The following SAMD10 variants were observed in gnomAD, a reference collection of about 807,000 sequenced individuals.
The protein encoded by SAMD10 is sterile alpha motif domain-containing protein 10.
In SAMD10, 16 loss-of-function variants were observed where a neutral mutation model predicts 22.5. That is an observed-to-expected ratio of 0.71 (90% CI 0.48 to 1.08). The LOEUF is 1.08. Among genes scored for constraint, SAMD10 ranks in the 50% least tolerant of loss-of-function variants. The pLI is 0.00. For missense variants in SAMD10, 227 were observed against 281.3 expected (o/e 0.81, Z 1.38); for synonymous variants, 118 against 122.2 (o/e 0.97, Z 0.23).
chr20:63,975,230 C>G lies in SAMD10; in HGVS notation c.*280G>C. On this transcript the variant is annotated 3_prime_UTR_variant, in exon 5 of 5. Transcript: ENST00000369886. ...CGGTTCTGGCTCCAGGCAGCTGCCCCACATGCTGCCAGCTGCACCAGGGGA... is the reference window on the plus strand; with the variant it reads ...CGGTTCTGGCTCCAGGCAGCTGCCCGACATGCTGCCAGCTGCACCAGGGGA... The G allele has an allele frequency of 7.8e-6, 4 of 511,984 alleles. No individual in the cohort carries two copies. The South Asian group carries it at 1.0e-4, about 13-fold the overall frequency. 31.7% of individuals were successfully genotyped at this position (511,984 alleles called of 1,614,324 possible). A position where few individuals can be genotyped will look rare whatever the true frequency, so the allele number is the denominator to read the frequency against.
Position 63,979,616 on chromosome 20 carries a change from CGA to C in SAMD10, c.-151_-150del. Reference sequence around the variant, plus strand: ...CCCCGCGGCCCGCGAGTGTGCGCGACGAGGCACCTGCCGCCGAGCCCTGTGTG... The same window carrying C: ...CCCCGCGGCCCGCGAGTGTGCGCGACGGCACCTGCCGCCGAGCCCTGTGTG... On this transcript the variant is annotated 5_prime_UTR_variant, in exon 1 of 5. Coordinates refer to ENST00000369886, the MANE Select transcript of SAMD10 (RefSeq NM_080621.5). This position sits in a 1 kb window ranked among gnomAD's most constrained non-coding sequence, Gnocchi z 7.7. 1.0e-6 allele frequency: 1 copy of C among 984,852 alleles called. No homozygotes were observed. Among genetic ancestry groups the C allele is most frequent in the Non-Finnish European group, 1.2e-6 (1 of 830,044 alleles). The allele number at this position is 984,852 out of a possible 1,614,324, so 61.0% of individuals were successfully genotyped here.
In SAMD10 at chr20:63,974,619, G is replaced by A. The variant is rs556358208; in HGVS notation, c.*891C>T. ...GCTCAGGCCTCTGGGAGGGTGTAAG[G>A]GGAGTGGCCCTGGGAAGGCCTCTCC... On this transcript the variant is annotated 3_prime_UTR_variant, in exon 5 of 5. Coordinates refer to ENST00000369886, the MANE Select transcript of SAMD10 (RefSeq NM_080621.5). 6.6e-6 allele frequency: 1 copy of A among 152,580 alleles called. No individual in the cohort carries two copies. The highest frequency in any genetic ancestry group is 1.9e-4 in the East Asian group (1 of 5,192). The allele number at this position is 152,580 out of a possible 1,614,324, so 9.5% of individuals were successfully genotyped here.
In SAMD10 at chr20:63,979,083, G is replaced by A. The variant is rs2059044516; in HGVS notation, c.91+294C>T. Among the ~76,000 whole-genome samples, 1 of 152,152 alleles carries A rather than the reference G, an allele frequency of 6.6e-6. No homozygotes were observed. The highest frequency in any genetic ancestry group is 6.5e-5 in the Admixed American group (1 of 15,280). On this transcript the variant is annotated intron_variant, in intron 1 of 4. Transcript: ENST00000369886. This position sits in a 1 kb window ranked among gnomAD's most constrained non-coding sequence, Gnocchi z 7.7. ...CGGCCCCACTGCAAAAGCGGGGGAG[G>A]GTTTTCCCCGTGCGCAGGAAAAGGT...
In SAMD10 at chr20:63,975,332, G is replaced by C; in HGVS notation, c.*178C>G. On this transcript the variant is annotated 3_prime_UTR_variant, in exon 5 of 5. Coordinates refer to ENST00000369886, the MANE Select transcript of SAMD10 (RefSeq NM_080621.5). ...CCCACCCAGCCCCAGGGCACGACCT[G>C]GAATGTCCAACCAGAGGCGCCTGGA... 1.4e-6 allele frequency: 1 copy of C among 704,400 alleles called. No homozygotes were observed. The highest frequency in any genetic ancestry group is 1.7e-5 in the South Asian group (1 of 57,256). The allele number at this position is 704,400 out of a possible 1,614,324, so 43.6% of individuals were successfully genotyped here. A position where few individuals can be genotyped will look rare whatever the true frequency, so the allele number is the denominator to read the frequency against.
Position 63,977,112 on chromosome 20 carries a change from A to T in SAMD10, c.304T>A (p.Tyr102Asn). The T allele has an allele frequency of 6.2e-7, 1 of 1,614,030 alleles. No homozygotes were observed. Among genetic ancestry groups the T allele is most frequent in the Non-Finnish European group, 8.5e-7 (1 of 1,180,018 alleles). The stretch of plus-strand genomic sequence containing the variant: ...CCACCCAGCGAGGGGCTTGTATGGT[A>T]CAGGCCATAGTGGTCAGAGTACAGC... ...GRLYSDHYGL[Y>N]HTSPSLGGLT... The change falls in exon 3 of 5, where the codon TAC becomes AAC. Residue 102 changes from tyrosine (Y) to asparagine (N), a missense_variant. Tyr to Asn is a moderately radical substitution (Grantham distance 143). Coordinates refer to ENST00000369886, the MANE Select transcript of SAMD10 (RefSeq NM_080621.5). This position sits in a 1 kb window ranked among gnomAD's most constrained non-coding sequence, Gnocchi z 5.4.
In SAMD10 at chr20:63,975,259, C is replaced by T. The variant is rs1028198702; in HGVS notation, c.*251G>A. 1.1e-5 allele frequency: 6 copies of T among 534,318 alleles called. No individual in the cohort carries two copies. Among genetic ancestry groups the T allele is most frequent in the Middle Eastern group, 9.5e-4 (2 of 2,112 alleles). 33.1% of individuals were successfully genotyped at this position (534,318 alleles called of 1,614,324 possible). A position where few individuals can be genotyped will look rare whatever the true frequency, so the allele number is the denominator to read the frequency against. ...TGCTGCCAGCTGCACCAGGGGAGGG[C>T]TTGGGCTCAGGTCCCAGGAGGTGGG... On this transcript the variant is annotated 3_prime_UTR_variant, in exon 5 of 5. Transcript: ENST00000369886.
chr20:63,978,053 G>A (rs1432284822), intron 1 of SAMD10, among the ~76,000 whole-genome samples: 1 of 152,252 alleles, frequency 6.6e-6, no homozygotes, highest in Admixed American at 6.5e-5. Context: ...CCCCCACAGG[G>A]CCTGCAGCCC....
Position 63,975,550 on chromosome 20 carries a change from G to A in SAMD10, c.587-18C>T, listed in dbSNP as rs3810503. 188 of 1,605,472 alleles carry A rather than the reference G, an allele frequency of 1.2e-4. 2 individuals carry two copies. In the East Asian group the frequency reaches 4.1e-3, roughly 35 times the overall value. ...GAAGGAAGCTGTGTGATGGAAGAGG[G>A]TGAGAATGGGGTGGGGTCTTTGGCA... On this transcript the variant is annotated intron_variant, in intron 4 of 4. Coordinates refer to ENST00000369886, the MANE Select transcript of SAMD10 (RefSeq NM_080621.5).
intron 4 of SAMD10, 46 bp from the exon 5 acceptor site, chr20:63,975,578 A>G: frequency 6.3e-7 from 1 of 1,598,200 alleles, no homozygotes; most frequent in Non-Finnish European, 8.5e-7. Flanking sequence ...CTTTGGCATC[A>G]TCTGCATTAG....
Position 63,975,355 on chromosome 20 carries a change from G to A in SAMD10, c.*155C>T. On this transcript the variant is annotated 3_prime_UTR_variant, in exon 5 of 5. Coordinates refer to ENST00000369886, the MANE Select transcript of SAMD10 (RefSeq NM_080621.5). ...CTGGAATGTCCAACCAGAGGCGCCTGGAGGTGTGATCCTGGTCCTGTCTGT... is the reference window on the plus strand; with the variant it reads ...CTGGAATGTCCAACCAGAGGCGCCTAGAGGTGTGATCCTGGTCCTGTCTGT... The A allele has an allele frequency of 3.5e-6, 3 of 863,042 alleles. No individual in the cohort carries two copies. The highest frequency in any genetic ancestry group is 2.8e-5 in the East Asian group (1 of 36,208). The allele number at this position is 863,042 out of a possible 1,614,324, so 53.5% of individuals were successfully genotyped here. A position where few individuals can be genotyped will look rare whatever the true frequency, so the allele number is the denominator to read the frequency against.
intron 3 of SAMD10, 147 bp downstream of exon 3, chr20:63,976,824 C>T (rs2059026371): frequency 1.6e-5 from 9 of 548,078 alleles, no homozygotes; most frequent in Middle Eastern, 5.1e-4. Context: ...ACAGATTCTG[C>T]GGAGATGAAG....
In SAMD10 at chr20:63,979,489, C is replaced by G. The variant is rs1184500184; in HGVS notation, c.-22G>C. On this transcript the variant is annotated 5_prime_UTR_variant, in exon 1 of 5. Transcript: ENST00000369886. The surrounding 1 kb of genome is among the most constrained non-coding windows in gnomAD (Gnocchi z 7.7). ...ACATGGGGCCCGCGGGTGCCAGGCCCGCGCACACGCCCCTCGCCGAGTGCA... is the reference window on the plus strand; with the variant it reads ...ACATGGGGCCCGCGGGTGCCAGGCCGGCGCACACGCCCCTCGCCGAGTGCA... 3.0e-6 allele frequency: 4 copies of G among 1,314,994 alleles called. No homozygotes were observed. The highest frequency in any genetic ancestry group is 4.1e-5 in the Admixed American group (1 of 24,366). The allele number at this position is 1,314,994 out of a possible 1,614,324, so 81.5% of individuals were successfully genotyped here.
Position 63,975,517 on chromosome 20 carries a change from AT to A in SAMD10, c.601del (p.Met201CysfsTer6). On this transcript the variant is annotated frameshift_variant, in exon 5 of 5. Coordinates refer to ENST00000369886, the MANE Select transcript of SAMD10 (RefSeq NM_080621.5). LOFTEE classifies it high-confidence loss of function. ...TTCAAGCCTCAGCAGCAGCTAGGACATTTTCCCGAAGGAAGCTGTGTGATGG... is the reference window on the plus strand; with the variant it reads ...TTCAAGCCTCAGCAGCAGCTAGGACATTTCCCGAAGGAAGCTGTGTGATGG... ...QLLSQASFGK[M>X]S 3 of 1,608,024 alleles carry A rather than the reference AT, an allele frequency of 1.9e-6. No individual in the cohort carries two copies. Among genetic ancestry groups the A allele is most frequent in the South Asian group, 2.2e-5 (2 of 90,360 alleles).
At position 63,974,340 on chromosome 20, in the gene SAMD10, T is replaced by A. The variant is rs1309508791; in HGVS notation, c.*1170A>T. On this transcript the variant is annotated 3_prime_UTR_variant, in exon 5 of 5. Coordinates refer to ENST00000369886, the MANE Select transcript of SAMD10 (RefSeq NM_080621.5). ...GGCAGGGATGAGGGTCTCCCCGTGG[T>A]GGGGGCTTACAGGATGGGAGCGGCC... The A allele has an allele frequency of 6.6e-6, 1 of 152,476 alleles. No individual in the cohort carries two copies. Among genetic ancestry groups the A allele is most frequent in the Non-Finnish European group, 1.5e-5 (1 of 68,076 alleles). The allele number at this position is 152,476 out of a possible 1,614,324, so 9.4% of individuals were successfully genotyped here.
chr20:63,977,487 A>G lies in SAMD10; in HGVS notation c.92-81T>C. On this transcript the variant is annotated intron_variant, in intron 1 of 4. Transcript: ENST00000369886. This position sits in a 1 kb window ranked among gnomAD's most constrained non-coding sequence, Gnocchi z 5.4. ...TACTTGAGAGCTAGCTCCCTGCCCC[A>G]TCTCCTCCACACTAGTGCGGGAAAT... 7.1e-7 allele frequency: 1 copy of G among 1,413,198 alleles called. No homozygotes were observed. Among genetic ancestry groups the G allele is most frequent in the South Asian group, 1.3e-5 (1 of 79,056 alleles). The allele number at this position is 1,413,198 out of a possible 1,614,324, so 87.5% of individuals were successfully genotyped here.
Position 63,979,341 on chromosome 20 carries a change from C to A in SAMD10, c.91+36G>T. On this transcript the variant is annotated intron_variant, in intron 1 of 4. Coordinates refer to ENST00000369886, the MANE Select transcript of SAMD10 (RefSeq NM_080621.5). The surrounding 1 kb of genome is among the most constrained non-coding windows in gnomAD (Gnocchi z 7.7). ...CCTCTGGGTCCCTGAGACCCCCGCCCGAGAAATCCCCGCTCCCCAATCCAG... is the reference window on the plus strand; with the variant it reads ...CCTCTGGGTCCCTGAGACCCCCGCCAGAGAAATCCCCGCTCCCCAATCCAG... The A allele has an allele frequency of 7.0e-7, 1 of 1,434,980 alleles. No individual in the cohort carries two copies. Among genetic ancestry groups the A allele is most frequent in the Non-Finnish European group, 9.2e-7 (1 of 1,090,428 alleles). The allele number at this position is 1,434,980 out of a possible 1,614,324, so 88.9% of individuals were successfully genotyped here. A position where few individuals can be genotyped will look rare whatever the true frequency, so the allele number is the denominator to read the frequency against.
chr20:63,976,764 CAAAAAAAA>C (rs60461303), intron 3 of SAMD10, among the ~76,000 whole-genome samples, 199 bp downstream of exon 3: 6 of 63,900 alleles, frequency 9.4e-5, no homozygotes, highest in Admixed American at 2.5e-4. Flanking sequence ...TCTGTCTCAC[CAAAAAAAA>C]AAAAAAAAAA....
intron 1 of SAMD10, chr20:63,978,276 G>T: frequency 7.7e-7 from 1 of 1,299,636 alleles, no homozygotes; most frequent in Non-Finnish European, 1.0e-6. Context: ...TCTTGATCCA[G>T]GTCTGGTTAC....
In SAMD10 at chr20:63,977,095, C is replaced by G. The variant is rs772620769; in HGVS notation, c.321G>C (p.Ser107=). The G allele has an allele frequency of 6.2e-7, 1 of 1,614,048 alleles. No individual in the cohort carries two copies. Among genetic ancestry groups the G allele is most frequent in the South Asian group, 1.1e-5 (1 of 91,076 alleles). ...DHYGLYHTSP[S]LGGLTRPVVL... is the part of the protein sequence containing the mutation. ...CCACGGGCCGGGTCAGGCCACCCAG[C>G]GAGGGGCTTGTATGGTACAGGCCAT... The change falls in exon 3 of 5, where the codon TCG becomes TCC. Residue 107 remains serine, a synonymous_variant. Coordinates refer to ENST00000369886, the MANE Select transcript of SAMD10 (RefSeq NM_080621.5). This position sits in a 1 kb window ranked among gnomAD's most constrained non-coding sequence, Gnocchi z 5.4.
Sources: allele counts gnomAD v4.1 joint callset (sites outside exome capture counted in the v4.1 genomes callset), GRCh38; gene constraint gnomAD v4.1.1; non-coding constraint Gnocchi (gnomAD v3.1); transcripts MANE v1.5; gene names NCBI Gene and HGNC (gene_info 2026-07-23, HGNC 2026-07-21).